OTUD7A: variants seen among roughly 807,000 people sequenced by gnomAD.
OTUD7A encodes the protein OTU deubiquitinase 7A, also known as OTU domain-containing protein 7A.
Under a neutral mutation model 65.7 loss-of-function variants are expected in OTUD7A, and 12 were observed. The ratio of observed to expected loss-of-function variants is 0.18; its 90% CI spans 0.12 to 0.30. OTUD7A has a LOEUF of 0.30. OTUD7A is among the 10% of genes least tolerant of loss of function. The probability of loss-of-function intolerance (pLI) is 1.00; values close to 1 mark genes in which losing one functional copy is unlikely to be tolerated. For missense variants in OTUD7A, 1,148 were observed against 1,304.8 expected, an observed-to-expected ratio of 0.88 and a Z score of 1.85; for synonymous variants, 641 against 586.3, an observed-to-expected ratio of 1.09 and a Z score of -1.35.
intron 5 of OTUD7A, among the ~76,000 whole-genome samples, chr15:31,547,850 A>G (rs1888181385): frequency 6.6e-6 from 1 of 152,234 alleles, no homozygotes; most frequent in Non-Finnish European, 1.5e-5. Context: ...AACATTGGCT[A>G]GTCCACATGA....
At chr15:31,656,079 A>G (rs1191684323) in intron 2 of OTUD7A, among the ~76,000 whole-genome samples, 7 of 152,186 alleles carry the variant, frequency 4.6e-5, no homozygotes, top group African/African-American at 1.2e-4. Context: ...CCATCCCTCT[A>G]AGAGCTGCCA....
At chr15:31,592,380 T>TAAA (rs34449587) in intron 3 of OTUD7A, among the ~76,000 whole-genome samples, 1 of 150,796 alleles carries the variant, frequency 6.6e-6, no homozygotes, top group Non-Finnish European at 1.5e-5. Flanking sequence ...AATCTTTTTT[T>TAAA]AAAAAAAAAA....
chr15:31,542,495 G>C (rs1299765142), intron 5 of OTUD7A, among the ~76,000 whole-genome samples: 4 of 151,906 alleles, frequency 2.6e-5, no homozygotes, highest in Non-Finnish European at 5.9e-5. Context: ...GAGAAAAGAT[G>C]CAAGAGAGTT....
At chr15:31,750,435 A>C (rs1483604800) in intron 1 of OTUD7A, among the ~76,000 whole-genome samples, 2 of 147,564 alleles carry the variant, frequency 1.4e-5, no homozygotes, top group Non-Finnish European at 3.0e-5. Flanking sequence ...CATAGTGCCC[A>C]AAGCAATTTA....
At chr15:31,599,862 C>T (rs1463928650) in intron 3 of OTUD7A, among the ~76,000 whole-genome samples, 1 of 151,646 alleles carries the variant, frequency 6.6e-6, no homozygotes, top group African/African-American at 2.4e-5. Context: ...TATCAATAGC[C>T]GAGTCGATCA....
At chr15:31,815,796 G>A (rs1896533813) in intron 1 of OTUD7A, among the ~76,000 whole-genome samples, 1 of 152,226 alleles carries the variant, frequency 6.6e-6, no homozygotes, top group Non-Finnish European at 1.5e-5. Context: ...ATAAATGTAC[G>A]CATTCGGTAA....
intron 1 of OTUD7A, among the ~76,000 whole-genome samples, chr15:31,856,909 T>A (rs1446556577): frequency 6.6e-6 from 1 of 152,202 alleles, no homozygotes. Context: ...CAGAGCGCTG[T>A]CACTGGGCCA....
intron 1 of OTUD7A, among the ~76,000 whole-genome samples, chr15:31,774,202 C>T (rs1018489538): frequency 2.6e-5 from 4 of 152,180 alleles, no homozygotes; most frequent in Non-Finnish European, 5.9e-5. Flanking sequence ...ATACAAAAAG[C>T]CATGGGACAG....
chr15:31,546,077 T>C (rs1194175964), intron 5 of OTUD7A, among the ~76,000 whole-genome samples: 1 of 152,176 alleles, frequency 6.6e-6, no homozygotes, highest in Admixed American at 6.5e-5. Flanking sequence ...TGATTTAAAA[T>C]ATATGGGAAA....
intron 1 of OTUD7A, among the ~76,000 whole-genome samples, chr15:31,862,324 C>T (rs568943224): frequency 2.0e-5 from 3 of 152,314 alleles, no homozygotes; most frequent in Admixed American, 6.5e-5. Flanking sequence ...GAGACATAAC[C>T]GGCTTCCTGG....
chr15:31,858,659 T>C (rs1298346360), intron 1 of OTUD7A, among the ~76,000 whole-genome samples: 1 of 152,086 alleles, frequency 6.6e-6, no homozygotes, highest in African/African-American at 2.4e-5. Flanking sequence ...GAGGCAAACA[T>C]AACAAGAACA....
chr15:31,524,753 A>T (rs748407083), intron 8 of OTUD7A, among the ~76,000 whole-genome samples: 13 of 152,092 alleles, frequency 8.5e-5, no homozygotes, highest in Admixed American at 7.9e-4. Context: ...ATCCTACATA[A>T]ATGGGACAAT....
chr15:31,537,213 T>C, intron 5 of OTUD7A, among the ~76,000 whole-genome samples: 1 of 152,216 alleles, frequency 6.6e-6, no homozygotes, highest in East Asian at 1.9e-4. Flanking sequence ...CAAAGTTTAA[T>C]ATAAAAAAAC....
At chr15:31,631,430 G>A (rs1891149710) in intron 3 of OTUD7A, among the ~76,000 whole-genome samples, 1 of 152,154 alleles carries the variant, frequency 6.6e-6, no homozygotes, top group African/African-American at 2.4e-5. Flanking sequence ...ACTCTCTTCT[G>A]GCTTGTAGAG....
chr15:31,601,722 A>C (rs1468687978), intron 3 of OTUD7A, among the ~76,000 whole-genome samples: 2 of 152,202 alleles, frequency 1.3e-5, no homozygotes, highest in East Asian at 3.8e-4. Context: ...AGACTAATAA[A>C]GAAGAAAAGA....
chr15:31,683,312 G>C (rs1200741669), intron 1 of OTUD7A, among the ~76,000 whole-genome samples: 1 of 152,170 alleles, frequency 6.6e-6, no homozygotes, highest in Non-Finnish European at 1.5e-5. Flanking sequence ...AGATAACAGT[G>C]AGATAGGTGG....
At chr15:31,505,557 T>C (rs2041547670) in intron 8 of OTUD7A, among the ~76,000 whole-genome samples, 1 of 149,590 alleles carries the variant, frequency 6.7e-6, no homozygotes, top group Non-Finnish European at 1.5e-5. Flanking sequence ...CTCCCTCTTA[T>C]AATTTTTTTT....
intron 1 of OTUD7A, among the ~76,000 whole-genome samples, chr15:31,867,410 TCAGAG>T (rs1897905715): frequency 2.0e-5 from 3 of 152,130 alleles, no homozygotes; most frequent in Admixed American, 2.0e-4. Context: ...CACAGCTTGC[TCAGAG>T]CAAAGTGCCC....
At chr15:31,631,518 A>C (rs958857091) in intron 3 of OTUD7A, among the ~76,000 whole-genome samples, 1 of 152,176 alleles carries the variant, frequency 6.6e-6, no homozygotes, top group Non-Finnish European at 1.5e-5. Context: ...GTCTGCGCTT[A>C]ACATTTTTTC....
Sources: allele counts gnomAD v4.1 joint callset (sites outside exome capture counted in the v4.1 genomes callset), GRCh38; gene constraint gnomAD v4.1.1; transcripts MANE v1.5; gene names NCBI Gene and HGNC (gene_info 2026-07-23, HGNC 2026-07-21).